TRDMT1: variants seen among roughly 807,000 people sequenced by gnomAD.
TRDMT1 encodes the protein tRNA (cytosine(38)-C(5))-methyltransferase.
A neutral mutation model predicts 51.2 loss-of-function variants in TRDMT1; 49 were observed. That is an observed-to-expected ratio of 0.96 (90% CI 0.76 to 1.21). The LOEUF is 1.21. Among genes scored for constraint, TRDMT1 ranks in the 50% most tolerant of loss-of-function variants. The pLI is 0.00. For missense variants in TRDMT1, 534 were observed against 462.3 expected (o/e 1.16, Z -1.42); for synonymous variants, 187 against 164.6 (o/e 1.14, Z -1.04).
At chr10:17,152,738 C>G (rs1838921152) in intron 10 of TRDMT1, among the ~76,000 whole-genome samples, 1 of 152,172 alleles carries the variant, frequency 6.6e-6, no homozygotes, top group African/African-American at 2.4e-5. Context: ...TGGGGCATCT[C>G]TGAGAAGGCC....
At chr10:17,162,833 T>C (rs530234921) in intron 3 of TRDMT1, among the ~76,000 whole-genome samples, 7 of 152,286 alleles carry the variant, frequency 4.6e-5, no homozygotes, top group East Asian at 1.9e-4. Context: ...AATTTATCTT[T>C]ATAAAACAAT....
chr10:17,145,797 T>G lies in TRDMT1; in HGVS notation c.*3243A>C. 1.0e-6 allele frequency: 1 copy of G among 985,484 alleles called. No homozygotes were observed. The allele number at this position is 985,484 out of a possible 1,614,324, so 61.0% of individuals were successfully genotyped here. A position where few individuals can be genotyped will look rare whatever the true frequency, so the allele number is the denominator to read the frequency against. The stretch of plus-strand genomic sequence containing the variant: ...ACTTTGGTTTGGATGCAGATGCAGC[T>G]GGCCTGCAGAATGCATCCTTTAGTA... On this transcript the variant is annotated 3_prime_UTR_variant, in exon 11 of 11. Transcript: ENST00000377799.
At chr10:17,195,490 T>C (rs1227147977) in intron 1 of TRDMT1, among the ~76,000 whole-genome samples, 1 of 152,094 alleles carries the variant, frequency 6.6e-6, no homozygotes, top group Non-Finnish European at 1.5e-5. Flanking sequence ...AAAAACTAAC[T>C]GTGGGTACTA....
At chr10:17,186,754 A>G (rs1843988057) in intron 1 of TRDMT1, among the ~76,000 whole-genome samples, 2 of 152,206 alleles carry the variant, frequency 1.3e-5, no homozygotes, top group African/African-American at 4.8e-5. Context: ...TTTATTTATA[A>G]TAGTGCAAAT....
At chr10:17,195,311 G>A (rs1013480993) in intron 1 of TRDMT1, among the ~76,000 whole-genome samples, 4 of 152,184 alleles carry the variant, frequency 2.6e-5, no homozygotes, top group African/African-American at 9.7e-5. Context: ...TAGCAACATG[G>A]ATGCATCTGG....
At chr10:17,196,188 T>G (rs1845407110) in intron 1 of TRDMT1, among the ~76,000 whole-genome samples, 1 of 152,216 alleles carries the variant, frequency 6.6e-6, no homozygotes, top group Non-Finnish European at 1.5e-5. Context: ...GCTTAGCATT[T>G]TAAAAGAAAA....
At chr10:17,184,059 C>T (rs531877135) in intron 1 of TRDMT1, among the ~76,000 whole-genome samples, 2 of 152,258 alleles carry the variant, frequency 1.3e-5, no homozygotes, top group African/African-American at 2.4e-5. Context: ...AGCTAGCATA[C>T]GCCCAAAAAA....
chr10:17,188,140 A>C (rs1009750212), intron 1 of TRDMT1, among the ~76,000 whole-genome samples: 3 of 152,062 alleles, frequency 2.0e-5, no homozygotes, highest in Non-Finnish European at 4.4e-5. Flanking sequence ...AGGTGTTAAC[A>C]TGGGAAGGGA....
At chr10:17,171,655 T>C (rs1184829579) in intron 2 of TRDMT1, 1 of 152,252 alleles carries the variant, frequency 6.6e-6, no homozygotes, top group East Asian at 1.9e-4. Context: ...TAGTTTCATT[T>C]ATCTGCAAAG....
chr10:17,160,829 C>A (rs1447711652), intron 5 of TRDMT1, among the ~76,000 whole-genome samples: 2 of 152,168 alleles, frequency 1.3e-5, no homozygotes, highest in Non-Finnish European at 2.9e-5. Context: ...GATAATGACC[C>A]TACGTTTTTA....
chr10:17,164,850 C>T (rs1840947571), intron 3 of TRDMT1, among the ~76,000 whole-genome samples: 1 of 152,180 alleles, frequency 6.6e-6, no homozygotes, highest in African/African-American at 2.4e-5. Flanking sequence ...CTACCAATCA[C>T]TGCTCAATGA....
intron 8 of TRDMT1, among the ~76,000 whole-genome samples, chr10:17,155,379 T>A (rs1839366551): frequency 6.6e-6 from 1 of 152,214 alleles, no homozygotes; most frequent in Non-Finnish European, 1.5e-5. Flanking sequence ...TATTCAAATA[T>A]AATTCAATAT....
At chr10:17,198,645 A>G (rs973773081) in intron 1 of TRDMT1, among the ~76,000 whole-genome samples, 5 of 152,126 alleles carry the variant, frequency 3.3e-5, no homozygotes, top group South Asian at 2.1e-4. Flanking sequence ...GACTGGGGGG[A>G]AAGGGAATTT....
chr10:17,175,579 T>C (rs1226120259), intron 1 of TRDMT1, among the ~76,000 whole-genome samples: 1 of 149,976 alleles, frequency 6.7e-6, no homozygotes, highest in East Asian at 2.0e-4. Flanking sequence ...GAGAAAGCAA[T>C]ACAATATTAC....
At chr10:17,151,560 A>T in intron 10 of TRDMT1, 1 of 985,698 alleles carries the variant, frequency 1.0e-6, no homozygotes, top group South Asian at 4.7e-5. Context: ...CAGTGGTGAC[A>T]TCAGGGTAAG....
intron 1 of TRDMT1, among the ~76,000 whole-genome samples, chr10:17,194,445 T>G (rs1290070755): frequency 2.6e-5 from 4 of 151,692 alleles, no homozygotes; most frequent in African/African-American, 4.8e-5. Flanking sequence ...TAAAAGAAAC[T>G]TAAACAACTG....
At chr10:17,151,477 A>G in intron 10 of TRDMT1, 1 of 977,450 alleles carries the variant, frequency 1.0e-6, no homozygotes, top group South Asian at 4.7e-5. Context: ...CAGCTCAAAC[A>G]ATGCCCATTT....
chr10:17,187,117 T>C (rs1403639159), intron 1 of TRDMT1, among the ~76,000 whole-genome samples: 1 of 152,184 alleles, frequency 6.6e-6, no homozygotes, highest in Non-Finnish European at 1.5e-5. Flanking sequence ...GGAACATGAC[T>C]GTCTCGTTCA....
chr10:17,191,326 C>T (rs1844650710), intron 1 of TRDMT1, among the ~76,000 whole-genome samples: 1 of 152,186 alleles, frequency 6.6e-6, no homozygotes, highest in African/African-American at 2.4e-5. Context: ...ACTCTGGCCA[C>T]TCTACTGAAA....
Sources: gnomAD v4.1 joint callset for allele counts (sites outside exome capture counted in the v4.1 genomes callset) on GRCh38, gnomAD v4.1.1 for gene constraint, MANE v1.5 for transcripts, NCBI Gene and HGNC (gene_info 2026-07-23, HGNC 2026-07-21) for gene names.